Variants in SRGAP2 observed in about 807,000 individuals in gnomAD.
SRGAP2 encodes the protein SLIT-ROBO Rho GTPase activating protein 2.
SRGAP2 carries 15 observed loss-of-function variants against 57.2 expected under a neutral mutation model. That is an observed-to-expected ratio of 0.26 (90% confidence interval 0.18 to 0.40). The LOEUF is 0.40. Ranked by LOEUF, SRGAP2 falls within the 10% of genes least tolerant of loss-of-function variation. The probability of loss-of-function intolerance (pLI) is 1.00; values close to 1 mark genes in which losing one functional copy is unlikely to be tolerated. For synonymous variants in SRGAP2, 249 were observed against 248.0 expected (o/e 1.00, Z -0.04); for missense variants, 520 against 669.6 (o/e 0.78, Z 2.47).
chr1:206,342,438 TA>T (rs1235836249), intron 3 of SRGAP2, among the ~76,000 whole-genome samples: 5 of 150,208 alleles, frequency 3.3e-5, no homozygotes, highest in Non-Finnish European at 7.4e-5. Context: ...GTGTTAGTCT[TA>T]CTCGCTGTAG....
At chr1:206,455,992 C>G (rs1205671649) in intron 21 of SRGAP2, 1 of 152,326 alleles carries the variant, frequency 6.6e-6, no homozygotes, top group Non-Finnish European at 1.5e-5. Flanking sequence ...AGCAGGATGA[C>G]AAGCCCCAGG....
chr1:206,248,514 T>C (rs1362492091), intron 2 of SRGAP2, among the ~76,000 whole-genome samples: 1 of 152,200 alleles, frequency 6.6e-6, no homozygotes, highest in Non-Finnish European at 1.5e-5. Flanking sequence ...CAGATGCTTT[T>C]TGGTCTCCCA....
intron 4 of SRGAP2, among the ~76,000 whole-genome samples, chr1:206,382,363 A>G (rs1655776990): frequency 6.6e-6 from 1 of 151,950 alleles, no homozygotes; most frequent in African/African-American, 2.4e-5. Context: ...GTAATGTGAT[A>G]TGGCATTTTT....
intron 2 of SRGAP2, among the ~76,000 whole-genome samples, chr1:206,289,608 GT>G (rs1266864421): frequency 6.8e-6 from 1 of 146,350 alleles, no homozygotes; most frequent in Non-Finnish European, 1.5e-5. Context: ...GTTTTGTTTT[GT>G]TTTTTTAAAC....
chr1:206,239,077 G>A (rs1169052205), intron 2 of SRGAP2, among the ~76,000 whole-genome samples: 6 of 151,704 alleles, frequency 4.0e-5, no homozygotes, highest in Non-Finnish European at 8.8e-5. Flanking sequence ...ATGGTCTTTT[G>A]TCCTTCCACA....
At chr1:206,453,776 C>T (rs1407183528) in intron 20 of SRGAP2, 2 of 267,608 alleles carry the variant, frequency 7.5e-6, no homozygotes, top group Admixed American at 1.1e-4. Context: ...TTTTAAACAA[C>T]TATGCTCACC....
chr1:206,412,295 G>T (rs1276268948), intron 10 of SRGAP2, among the ~76,000 whole-genome samples: 1 of 152,180 alleles, frequency 6.6e-6, no homozygotes, highest in Non-Finnish European at 1.5e-5. Flanking sequence ...TTTCACAATG[G>T]CACTAAACAA....
intron 2 of SRGAP2, among the ~76,000 whole-genome samples, chr1:206,260,859 C>A (rs1196082987): frequency 2.0e-5 from 3 of 152,194 alleles, no homozygotes; most frequent in African/African-American, 7.2e-5. Flanking sequence ...GATTATTATT[C>A]TTCATTCTTA....
rs184146413 is a variant in SRGAP2 at position 206,268,502 on chromosome 1, A to G, written c.68-34779A>G. Among the ~76,000 whole-genome samples the G allele has an allele frequency of 4.7e-4, 71 of 152,346 alleles. No individual in the cohort carries two copies. The East Asian group carries it at 0.013, about 28-fold the overall frequency. ...GCATAGGTAAGGAAAGGGTGGAAGA[A>G]TAATGGGTGTAAATGATATATGTTC... On this transcript the variant is annotated intron_variant, in intron 2 of 22. Transcript: ENST00000573034.
chr1:206,459,743 T>C (rs1664111520), intron 22 of SRGAP2, among the ~76,000 whole-genome samples: 1 of 152,220 alleles, frequency 6.6e-6, no homozygotes, highest in African/African-American at 2.4e-5. Context: ...CCTTACCCCA[T>C]CTTCCAGGGG....
intron 17 of SRGAP2, among the ~76,000 whole-genome samples, chr1:206,445,206 C>G (rs1456718750): frequency 2.0e-5 from 3 of 152,232 alleles, no homozygotes; most frequent in Non-Finnish European, 4.4e-5. Flanking sequence ...GTATCCAGAG[C>G]TGGCCCAGCC....
At chr1:206,438,366 T>A (rs1039320225) in intron 16 of SRGAP2, among the ~76,000 whole-genome samples, 1 of 152,192 alleles carries the variant, frequency 6.6e-6, no homozygotes, top group Non-Finnish European at 1.5e-5. Context: ...TATCTTTTTT[T>A]AGTAAAATAC....
rs1662749318 is a variant in SRGAP2 at position 206,446,266 on chromosome 1, TCTA to T, written c.2068_2070del (p.Tyr690del). On this transcript the variant is annotated inframe_deletion, in exon 18 of 23. Transcript: ENST00000573034. The stretch of plus-strand genomic sequence containing the variant: ...AGCCCCAGGGAGCTGGAGGGCCCTG[TCTA>T]CAGCAGAGGAGGAAGCATGGAGGAT... The T allele has an allele frequency of 1.3e-6, 1 of 780,682 alleles. No homozygotes were observed. The highest frequency in any genetic ancestry group is 1.7e-5 in the African/African-American group (1 of 59,096). The allele number at this position is 780,682 out of a possible 1,614,324, so 48.4% of individuals were successfully genotyped here. A position where few individuals can be genotyped will look rare whatever the true frequency, so the allele number is the denominator to read the frequency against.
At chr1:206,256,206 A>G (rs1292290417) in intron 2 of SRGAP2, among the ~76,000 whole-genome samples, 2 of 151,964 alleles carry the variant, frequency 1.3e-5, no homozygotes, top group Non-Finnish European at 2.9e-5. Flanking sequence ...TCTGGAACCC[A>G]TTACCCCACC....
chr1:206,421,171 T>A, intron 12 of SRGAP2, 79 bp from the exon 13 acceptor site: 1 of 718,756 alleles, frequency 1.4e-6, no homozygotes, highest in East Asian at 2.6e-5. Context: ...AGTGATTGTT[T>A]ATCTCATTCG....
At chr1:206,444,209 C>A (rs934415472) in intron 17 of SRGAP2, among the ~76,000 whole-genome samples, 75 of 151,994 alleles carry the variant, frequency 4.9e-4, no homozygotes, top group Non-Finnish European at 5.4e-4. Flanking sequence ...CTGCTTCAGC[C>A]CCTAAACTTA....
intron 17 of SRGAP2, among the ~76,000 whole-genome samples, chr1:206,442,883 C>T (rs924140740): frequency 1.3e-5 from 2 of 152,072 alleles, no homozygotes; most frequent in African/African-American, 4.8e-5. Context: ...CCATCAGGAC[C>T]CTTTTTCTTC....
At chr1:206,450,347 C>G in intron 18 of SRGAP2, 39 bp from the exon 19 acceptor site, 1 of 778,282 alleles carries the variant, frequency 1.3e-6, no homozygotes, top group Non-Finnish European at 2.4e-6. Context: ...ATTTTATGAG[C>G]ACATGTTAAT....
At chr1:206,355,107 CT>C (rs1160382706) in intron 4 of SRGAP2, among the ~76,000 whole-genome samples, 1 of 152,108 alleles carries the variant, frequency 6.6e-6, no homozygotes, top group African/African-American at 2.4e-5. Context: ...CAAAAAATCT[CT>C]TTGACAACTA....
Sources: allele counts gnomAD v4.1 joint callset (sites outside exome capture counted in the v4.1 genomes callset), GRCh38; gene constraint gnomAD v4.1.1; transcripts MANE v1.5; gene names NCBI Gene and HGNC (gene_info 2026-07-23, HGNC 2026-07-21).